MCTP1: variants seen among roughly 807,000 people sequenced by gnomAD.
MCTP1 encodes the protein multiple C2 and transmembrane domain containing 1, also known as multiple C2 and transmembrane domain-containing protein 1.
MCTP1 carries 69 observed loss-of-function variants against 120.6 expected under a neutral mutation model. That is an observed-to-expected ratio of 0.57 (90% CI 0.47 to 0.70). The LOEUF is 0.70. Among genes scored for constraint, MCTP1 ranks in the 30% least tolerant of loss-of-function variants. MCTP1 has a pLI of 0.00. For missense variants in MCTP1, 1,203 were observed against 1,248.8 expected, an observed-to-expected ratio of 0.96 and a Z score of 0.55; for synonymous variants, 529 against 493.1, an observed-to-expected ratio of 1.07 and a Z score of -0.96.
At chr5:95,110,228 C>T (rs1051480151) in intron 1 of MCTP1, among the ~76,000 whole-genome samples, 2 of 151,918 alleles carry the variant, frequency 1.3e-5, no homozygotes, top group African/African-American at 4.8e-5. Flanking sequence ...GTGAATCCAA[C>T]CTACTTACCC....
chr5:95,061,922 A>C (rs1749337884), intron 1 of MCTP1, among the ~76,000 whole-genome samples: 1 of 152,152 alleles, frequency 6.6e-6, no homozygotes, highest in Non-Finnish European at 1.5e-5. Flanking sequence ...GCTACAAGTG[A>C]AGGGTTAGGG....
chr5:94,782,506 C>T (rs928784805), intron 18 of MCTP1, among the ~76,000 whole-genome samples: 1 of 152,130 alleles, frequency 6.6e-6, no homozygotes, highest in South Asian at 2.1e-4. Context: ...ATGCAATGAA[C>T]ATCGAAACTG....
chr5:95,009,104 GAGAGA>G (rs2153653756), intron 2 of MCTP1, among the ~76,000 whole-genome samples: 1 of 117,008 alleles, frequency 8.5e-6, no homozygotes, highest in African/African-American at 2.8e-5. Flanking sequence ...GAGAGAGAGA[GAGAGA>G]AGCATTGGGA....
rs374697487 is a variant in MCTP1, at chr5:94,984,444, C to T, written c.839-31083G>A. Among the ~76,000 whole-genome samples the T allele has an allele frequency of 3.7e-4, 57 of 152,134 alleles. No homozygotes were observed. In the East Asian group the frequency reaches 6.0e-3, roughly 16 times the overall value. ...TCTATGAAAACCACACTGGCTGAAG[C>T]GGAAAATTTGATTTAGGGATTAATG... On this transcript the variant is annotated intron_variant, in intron 2 of 22. Transcript: ENST00000515393.
chr5:95,007,715 C>A (rs1393466084), intron 2 of MCTP1, among the ~76,000 whole-genome samples: 1 of 152,178 alleles, frequency 6.6e-6, no homozygotes, highest in African/African-American at 2.4e-5. Flanking sequence ...ATTAGTGAGA[C>A]TTCAGTACAC....
intron 1 of MCTP1, among the ~76,000 whole-genome samples, chr5:95,183,259 C>T (rs1329530585): frequency 5.3e-5 from 8 of 152,004 alleles, no homozygotes; most frequent in South Asian, 4.1e-4. Context: ...TAATAAACCT[C>T]AACCTCACAC....
intron 19 of MCTP1, among the ~76,000 whole-genome samples, chr5:94,741,507 G>A (rs1268320493): frequency 6.6e-6 from 1 of 152,176 alleles, no homozygotes; most frequent in Non-Finnish European, 1.5e-5. Context: ...TCAAGATAGA[G>A]TCCAATACAA....
At chr5:94,984,415 G>A (rs140257639) in intron 2 of MCTP1, among the ~76,000 whole-genome samples, 9 of 152,244 alleles carry the variant, frequency 5.9e-5, no homozygotes, top group Non-Finnish European at 1.3e-4. Flanking sequence ...ATACGTTTAG[G>A]AAATCTATGA....
At chr5:94,789,061 C>T (rs1393629624) in intron 18 of MCTP1, 2 of 152,162 alleles carry the variant, frequency 1.3e-5, no homozygotes, top group Non-Finnish European at 2.9e-5. Context: ...TATGGGAGCA[C>T]TAATTTCAGA....
intron 2 of MCTP1, among the ~76,000 whole-genome samples, chr5:94,988,411 A>G (rs1830807156): frequency 6.6e-6 from 1 of 152,154 alleles, no homozygotes; most frequent in South Asian, 2.1e-4. Flanking sequence ...CCATTTAGAA[A>G]TGTGACAGTT....
chr5:94,999,238 A>G (rs1833182671), intron 2 of MCTP1, among the ~76,000 whole-genome samples: 1 of 152,238 alleles, frequency 6.6e-6, no homozygotes, highest in Non-Finnish European at 1.5e-5. Flanking sequence ...ATGAAGGAAC[A>G]TATCCTTGAG....
At chr5:94,944,053 A>C (rs1032662875) in intron 3 of MCTP1, among the ~76,000 whole-genome samples, 2 of 151,362 alleles carry the variant, frequency 1.3e-5, no homozygotes, top group South Asian at 2.1e-4. Context: ...TTTTCTTTTT[A>C]TTTTTTTCTC....
At chr5:94,738,624 A>G (rs1764824676) in intron 19 of MCTP1, among the ~76,000 whole-genome samples, 1 of 152,112 alleles carries the variant, frequency 6.6e-6, no homozygotes, top group Non-Finnish European at 1.5e-5. Flanking sequence ...TGACTACTAC[A>G]GTTGATTCAT....
At chr5:94,840,287 T>A (rs144730568) in intron 17 of MCTP1, among the ~76,000 whole-genome samples, 8 of 152,326 alleles carry the variant, frequency 5.3e-5, no homozygotes, top group African/African-American at 1.4e-4. Flanking sequence ...TGCAACACTG[T>A]ATTCATAGAA....
At chr5:94,936,170 T>C in intron 5 of MCTP1, among the ~76,000 whole-genome samples, 1 of 152,010 alleles carries the variant, frequency 6.6e-6, no homozygotes, top group East Asian at 1.9e-4. Flanking sequence ...CAAAAGAAAA[T>C]TAAATCATTA....
intron 17 of MCTP1, among the ~76,000 whole-genome samples, chr5:94,856,867 G>A (rs1340878674): frequency 6.6e-6 from 1 of 151,678 alleles, no homozygotes; most frequent in Non-Finnish European, 1.5e-5. Flanking sequence ...GGGGCTGCCT[G>A]CTGCAACCAG....
At chr5:95,034,051 A>T (rs751905601) in intron 1 of MCTP1, among the ~76,000 whole-genome samples, 9 of 152,082 alleles carry the variant, frequency 5.9e-5, no homozygotes, top group Non-Finnish European at 1.2e-4. Flanking sequence ...GAATTACAAA[A>T]CACTGTTGAA....
chr5:95,204,743 G>GA (rs921985107), intron 1 of MCTP1, among the ~76,000 whole-genome samples: 3 of 151,136 alleles, frequency 2.0e-5, no homozygotes, highest in African/African-American at 4.9e-5. Flanking sequence ...TAAAACAAAC[G>GA]AAAAAAATAA....
At chr5:95,210,585 G>A (rs1374697737) in intron 1 of MCTP1, among the ~76,000 whole-genome samples, 147 of 148,848 alleles carry the variant, frequency 9.9e-4, no homozygotes, top group African/African-American at 3.6e-3. Flanking sequence ...TGTGAGATGG[G>A]TTTCCTGAAT....
Sources: allele counts gnomAD v4.1 joint callset (sites outside exome capture counted in the v4.1 genomes callset), GRCh38; gene constraint gnomAD v4.1.1; transcripts MANE v1.5; gene names NCBI Gene and HGNC (gene_info 2026-07-23, HGNC 2026-07-21).